The following ARSK variants were observed in gnomAD, a reference collection of about 807,000 sequenced individuals.
The protein encoded by ARSK is arylsulfatase family member K, also known as arylsulfatase K.
ARSK carries 37 observed loss-of-function variants against 53.2 expected under a neutral mutation model. The observed-to-expected ratio is 0.70, with a 90% CI of 0.54 to 0.92. The LOEUF is 0.92. Among genes scored for constraint, ARSK ranks in the 40% least tolerant of loss-of-function variants. ARSK has a pLI of 0.00. For synonymous variants in ARSK, 208 were observed against 223.2 expected, an observed-to-expected ratio of 0.93 and a Z score of 0.61; for missense variants, 613 against 643.0, an observed-to-expected ratio of 0.95 and a Z score of 0.51.
At chr5:95,574,222 C>G (rs147311918) in intron 3 of ARSK, among the ~76,000 whole-genome samples, 1 of 152,210 alleles carries the variant, frequency 6.6e-6, no homozygotes, top group African/African-American at 2.4e-5. Context: ...TGTATATGTA[C>G]CACATTTTCT....
chr5:95,580,485 T>A (rs1749004101), intron 3 of ARSK, among the ~76,000 whole-genome samples: 1 of 152,224 alleles, frequency 6.6e-6, no homozygotes, highest in Non-Finnish European at 1.5e-5. Flanking sequence ...AATTATAATG[T>A]CAAAAGAGTT....
Position 95,566,095 on chromosome 5 carries a change from C to T in ARSK, c.224C>T (p.Thr75Ile). The change falls in exon 2 of 8, where the codon ACA becomes ATA. Residue 75 changes from threonine to isoleucine, a missense_variant. Coordinates refer to ENST00000380009, the MANE Select transcript of ARSK (RefSeq NM_198150.3). ...GGGACTTCCTTTCTGAATGCCTACA[C>T]AAACTCTCCAATTTGTTGCCCATCA... ...TRGTSFLNAY[T>I]NSPICCPSRA... The T allele has an allele frequency of 1.2e-6, 2 of 1,613,680 alleles. No homozygotes were observed. Among genetic ancestry groups the T allele is most frequent in the Non-Finnish European group, 1.7e-6 (2 of 1,179,858 alleles).
chr5:95,587,901 G>A (rs1366312365), intron 5 of ARSK, among the ~76,000 whole-genome samples: 1 of 134,716 alleles, frequency 7.4e-6, no homozygotes, highest in African/African-American at 2.9e-5. Flanking sequence ...GCAAGACTAC[G>A]TCTCAAAAAA....
intron 2 of ARSK, among the ~76,000 whole-genome samples, chr5:95,567,537 A>G (rs1250056217): frequency 6.6e-6 from 1 of 152,234 alleles, no homozygotes; most frequent in African/African-American, 2.4e-5. Flanking sequence ...CTGTACTTCA[A>G]TTGTCTGATT....
At chr5:95,561,963 C>T (rs918509200) in intron 1 of ARSK, among the ~76,000 whole-genome samples, 3 of 151,980 alleles carry the variant, frequency 2.0e-5, no homozygotes, top group African/African-American at 7.3e-5. Context: ...ACCTGTAATA[C>T]CAGCACTTTG....
At chr5:95,556,140 T>A in intron 1 of ARSK, 1 of 698,362 alleles carries the variant, frequency 1.4e-6, no homozygotes, top group Non-Finnish European at 2.6e-6. Flanking sequence ...GTCACACAGA[T>A]GTTGGTGTTA....
intron 5 of ARSK, among the ~76,000 whole-genome samples, chr5:95,589,232 C>G (rs923045277): frequency 6.6e-6 from 1 of 152,192 alleles, no homozygotes; most frequent in Non-Finnish European, 1.5e-5. Context: ...TGTTTACCAT[C>G]TGTTTCCCTA....
rs374765719 is a variant in ARSK, at chr5:95,600,925, A to G, written c.1175A>G (p.Glu392Gly). ...TTATCATCAGAAACATTTAAGAATGAACATAAAGTCAAAAACCTGCATCCA... is the reference window on the plus strand; with the variant it reads ...TTATCATCAGAAACATTTAAGAATGGACATAAAGTCAAAAACCTGCATCCA... The part of the protein sequence containing the change: ...LPLSSETFKN[E>G]HKVKNLHPPW... Residue 392 changes from glutamate (E) to glycine (G), a missense_variant, in exon 7 of 8, where the codon GAA (glutamate) becomes GGA (glycine). Glu to Gly is a moderately conservative substitution (Grantham distance 98). Transcript: ENST00000380009. 130 of 1,614,046 alleles carry G rather than the reference A, an allele frequency of 8.1e-5. No homozygotes were observed. Among genetic ancestry groups the G allele is most frequent in the Non-Finnish European group, 1.0e-4 (122 of 1,179,996 alleles).
At chr5:95,569,794 A>T (rs1334395896) in intron 3 of ARSK, among the ~76,000 whole-genome samples, 3 of 152,102 alleles carry the variant, frequency 2.0e-5, no homozygotes, top group Non-Finnish European at 2.9e-5. Context: ...TACTAAAATA[A>T]TCTAAAATAA....
intron 3 of ARSK, among the ~76,000 whole-genome samples, chr5:95,569,427 G>A (rs747365118): frequency 3.9e-5 from 6 of 152,090 alleles, no homozygotes; most frequent in Non-Finnish European, 8.8e-5. Flanking sequence ...CTTATTTGCA[G>A]ATGTAATTAG....
chr5:95,577,330 G>T (rs1748941400), intron 3 of ARSK, among the ~76,000 whole-genome samples: 1 of 152,142 alleles, frequency 6.6e-6, no homozygotes, highest in African/African-American at 2.4e-5. Context: ...TGGTGAATGT[G>T]ATCTAAACCA....
In ARSK at chr5:95,582,934, G is replaced by A; in HGVS notation, c.435G>A (p.Trp145Ter). Residue 145 changes from tryptophan to a stop codon, truncating the protein, a stop_gained, in exon 4 of 8, where the codon TGG (tryptophan) becomes TGA (stop). Transcript: ENST00000380009. LOFTEE classifies it high-confidence loss of function. ...HHSISNRVEA[W>*]TRDVAFLLRQ... ...CCCTCAGTAATCGTGTGGAAGCGTG[G>A]ACAAGAGATGTTGCTTTCTTACTCA... is the stretch of plus-strand genomic sequence containing the variant. 6.2e-7 allele frequency: 1 copy of A among 1,609,146 alleles called. No individual in the cohort carries two copies. The highest frequency in any genetic ancestry group is 1.3e-5 in the African/African-American group (1 of 74,952).
chr5:95,590,315 G>A (rs1749190521), intron 5 of ARSK, among the ~76,000 whole-genome samples: 1 of 152,146 alleles, frequency 6.6e-6, no homozygotes, highest in African/African-American at 2.4e-5. Flanking sequence ...GTTCTGAGCA[G>A]GTTAGGATTG....
chr5:95,594,583 T>C (rs1749271284), intron 6 of ARSK, among the ~76,000 whole-genome samples: 1 of 152,220 alleles, frequency 6.6e-6, no homozygotes, highest in African/African-American at 2.4e-5. Context: ...GGCTCACGCC[T>C]GTAATCCCAA....
intron 2 of ARSK, among the ~76,000 whole-genome samples, chr5:95,567,451 A>G (rs1748742641): frequency 2.0e-5 from 3 of 152,234 alleles, no homozygotes; most frequent in African/African-American, 4.8e-5. Context: ...GGCATAACAC[A>G]CTACGTTTTT....
At chr5:95,585,402 A>G (rs1209457619) in intron 4 of ARSK, among the ~76,000 whole-genome samples, 1 of 152,230 alleles carries the variant, frequency 6.6e-6, no homozygotes, top group Non-Finnish European at 1.5e-5. Flanking sequence ...CACAATTGCA[A>G]AAATATAGAA....
chr5:95,575,499 T>C (rs1053865320), intron 3 of ARSK, among the ~76,000 whole-genome samples: 1 of 152,230 alleles, frequency 6.6e-6, no homozygotes, highest in Admixed American at 6.5e-5. Flanking sequence ...ATTCTTCCAA[T>C]CCATGAACAT....
At chr5:95,556,330 C>G in intron 1 of ARSK, 1 of 680,558 alleles carries the variant, frequency 1.5e-6, no homozygotes, top group South Asian at 1.6e-5. Flanking sequence ...GACTAGATGG[C>G]ATTTTATTAC....
chr5:95,556,274 G>C, intron 1 of ARSK: 2 of 700,822 alleles, frequency 2.9e-6, no homozygotes, highest in Admixed American at 4.0e-5. Context: ...ATTACTTAAA[G>C]TTATCTTTGT....
Sources: allele counts gnomAD v4.1 joint callset (sites outside exome capture counted in the v4.1 genomes callset), GRCh38; gene constraint gnomAD v4.1.1; transcripts MANE v1.5; gene names NCBI Gene and HGNC (gene_info 2026-07-23, HGNC 2026-07-21).